OTC: variants seen among roughly 807,000 people sequenced by gnomAD.
The protein encoded by OTC is ornithine transcarbamylase, also known as ornithine transcarbamylase, mitochondrial.
A neutral mutation model predicts 30.3 loss-of-function variants in OTC; 3 were observed. The observed-to-expected ratio is 0.10, with a 90% CI of 0.05 to 0.26. The LOEUF (loss-of-function observed/expected upper bound fraction) is 0.26. Among genes scored for constraint, OTC ranks in the 10% least tolerant of loss-of-function variants. The pLI is 1.00. For synonymous variants in OTC, 111 were observed against 99.7 expected (o/e 1.11, Z -0.67); for missense variants, 194 against 260.3 (o/e 0.75, Z 1.75).
downstream of OTC, among the ~76,000 whole-genome samples, chrX:38,422,017 T>G (rs912914908): frequency 8.9e-6 from 1 of 112,291 alleles, no homozygotes; most frequent in Non-Finnish European, 1.9e-5. Flanking sequence ...GTGACTAACA[T>G]TTGTATTGTT....
the OTC span, among the ~76,000 whole-genome samples, chrX:38,339,818 T>G: frequency 1.8e-5 from 2 of 111,316 alleles, no homozygotes; most frequent in Non-Finnish European, 3.8e-5. Context: ...ATAAAGGAAG[T>G]TGATATTCTA....
rs776830576 is a variant in OTC, at chrX:38,381,411, G to A, written c.368G>A (p.Ser123Asn). The stretch of plus-strand genomic sequence containing the variant: ...GATATTCATTTGGGTGTGAATGAAA[G>A]TCTCACGGACACGGCCCGGTTTGTA... ...TQDIHLGVNESLTDTARVLSS... is the reference protein window; with the variant it reads ...TQDIHLGVNENLTDTARVLSS... The change falls in exon 4 of 10, where the codon AGT becomes AAT. Residue 123 changes from serine to asparagine, a missense_variant. Transcript: ENST00000039007. 9.2e-6 allele frequency: 11 copies of A among 1,192,847 alleles called. No individual in the cohort carries two copies. In the South Asian group the frequency reaches 1.6e-4, roughly 17 times the overall value.
chrX:38,335,463 C>T, the OTC span, among the ~76,000 whole-genome samples: 1 of 112,653 alleles, frequency 8.9e-6, no homozygotes, highest in Non-Finnish European at 1.9e-5. Context: ...AAGCTGCAGG[C>T]AGCCCTGCAG....
rs1432888466 is a variant in OTC at position 38,394,473 on chromosome X, A to G, written c.387-6802A>G. Among the ~76,000 whole-genome samples, 4 of 111,828 alleles carry G rather than the reference A, an allele frequency of 3.6e-5. No individual in the cohort carries two copies. In the East Asian group the frequency reaches 1.1e-3, roughly 31 times the overall value. ...TATAGATGATGGAAACTTGCCCTTC[A>G]ATTTAGCCTTTTAACTTGCTTCTCT... On this transcript the variant is annotated intron_variant, in intron 4 of 9. Coordinates refer to ENST00000039007, the MANE Select transcript of OTC (RefSeq NM_000531.6).
chrX:38,375,389 G>A (rs1365884220), intron 3 of OTC, among the ~76,000 whole-genome samples: 2 of 111,978 alleles, frequency 1.8e-5, no homozygotes, highest in Non-Finnish European at 3.8e-5. Context: ...CTCTGACTGA[G>A]AATAAACTGT....
chrX:38,402,839 G>A (rs761418107), intron 5 of OTC, among the ~76,000 whole-genome samples: 1 of 110,810 alleles, frequency 9.0e-6, no homozygotes, highest in East Asian at 2.8e-4. Context: ...ATTTGAGACA[G>A]AGTCTCACTC....
intron 3 of OTC, among the ~76,000 whole-genome samples, chrX:38,374,483 A>G (rs1189418660): frequency 9.0e-6 from 1 of 110,724 alleles, no homozygotes; most frequent in Admixed American, 9.7e-5. Context: ...TGCAAAGGCA[A>G]TTTCTTCTCA....
chrX:38,370,693 G>A (rs1414484642), intron 3 of OTC, among the ~76,000 whole-genome samples: 2 of 111,144 alleles, frequency 1.8e-5, no homozygotes, highest in African/African-American at 3.3e-5. Flanking sequence ...TCTGAGAGGC[G>A]GGAAGACAAC....
upstream of OTC, among the ~76,000 whole-genome samples, chrX:38,348,720 G>T (rs1454742538): frequency 1.8e-5 from 2 of 109,368 alleles, no homozygotes; most frequent in Non-Finnish European, 3.8e-5. Flanking sequence ...TGTATTTTTA[G>T]TAGAGATGGG....
chrX:38,366,463 G>C (rs2068296501), intron 1 of OTC, among the ~76,000 whole-genome samples: 1 of 111,766 alleles, frequency 8.9e-6, no homozygotes, highest in Non-Finnish European at 1.9e-5. Flanking sequence ...TTGAAGGGCA[G>C]TAGGGGGAAA....
intron 8 of OTC, among the ~76,000 whole-genome samples, chrX:38,409,929 G>GT (rs1160128413): frequency 1.8e-5 from 2 of 111,847 alleles, no homozygotes; most frequent in African/African-American, 3.2e-5. Flanking sequence ...GGTAGCCTCT[G>GT]TTTAATAATT....
At chrX:38,415,435 CG>C (rs1361126669) in intron 9 of OTC, among the ~76,000 whole-genome samples, 2 of 111,373 alleles carry the variant, frequency 1.8e-5, no homozygotes, top group African/African-American at 3.3e-5. Context: ...TCAGCACTGC[CG>C]TGATACATTT....
At chrX:38,345,683 G>A in the OTC span, among the ~76,000 whole-genome samples, 1 of 110,093 alleles carries the variant, frequency 9.1e-6, no homozygotes, top group Non-Finnish European at 1.9e-5. Context: ...TGGGATTACA[G>A]GTATGTGCCA....
chrX:38,369,985 G>A lies in OTC; in HGVS notation c.298+108G>A. The A allele has an allele frequency of 7.8e-6, 4 of 513,106 alleles. No homozygotes were observed. In the Admixed American group the frequency reaches 8.3e-5, roughly 11 times the overall value. The allele number at this position is 513,106 out of a possible 1,213,427, so 42.3% of individuals were successfully genotyped here. On this transcript the variant is annotated intron_variant, in intron 3 of 9. Transcript: ENST00000039007. ...TTTGTCTGCCTCTAGCAACCACAAAGAAAAAATCATTTTTACTGGGAGCAG... is the reference window on the plus strand; with the variant it reads ...TTTGTCTGCCTCTAGCAACCACAAAAAAAAAATCATTTTTACTGGGAGCAG...
At chrX:38,422,903 T>C (rs770539520), downstream of OTC, among the ~76,000 whole-genome samples, 6 of 111,995 alleles carry the variant, frequency 5.4e-5, no homozygotes, top group Admixed American at 5.7e-4. Context: ...GCATCTTTGG[T>C]GTACATAATA....
the OTC span, among the ~76,000 whole-genome samples, chrX:38,330,758 G>T: frequency 3.6e-5 from 4 of 111,826 alleles, no homozygotes; most frequent in Admixed American, 9.4e-5. Flanking sequence ...CAATTCTGAG[G>T]CTGTGTTGTG....
Position 38,367,319 on chromosome X carries a change from C to G in OTC, c.106C>G (p.Gln36Glu), listed in dbSNP as rs72554305. 8.3e-7 allele frequency: 1 copy of G among 1,204,426 alleles called. No individual in the cohort carries two copies. Among genetic ancestry groups the G allele is most frequent in the Admixed American group, 2.2e-5 (1 of 46,007 alleles). ...TGGACAACCACTACAAAATAAAGTGCAGCTGAAGGGCCGTGACCTTCTCAC... is the reference window on the plus strand; with the variant it reads ...TGGACAACCACTACAAAATAAAGTGGAGCTGAAGGGCCGTGACCTTCTCAC... Reference protein sequence around the residue: ...RCGQPLQNKVQLKGRDLLTLK... With the variant: ...RCGQPLQNKVELKGRDLLTLK... The change falls in exon 2 of 10, where the codon CAG becomes GAG. Residue 36 changes from glutamine (Q) to glutamate (E), a missense_variant. Coordinates refer to ENST00000039007, the MANE Select transcript of OTC (RefSeq NM_000531.6).
chrX:38,331,441 TG>T, the OTC span, among the ~76,000 whole-genome samples: 414 of 68,889 alleles, frequency 6.0e-3, 6 homozygotes, highest in East Asian at 0.053. Flanking sequence ...GTTTTTTTTT[TG>T]TTTTTTTTTT....
intron 9 of OTC, among the ~76,000 whole-genome samples, chrX:38,418,874 A>T (rs2068581908): frequency 8.9e-6 from 1 of 111,736 alleles, no homozygotes; most frequent in Non-Finnish European, 1.9e-5. Flanking sequence ...TTCTTTATAA[A>T]TTTCCCAGTC....
Sources: gnomAD v4.1 joint callset for allele counts (sites outside exome capture counted in the v4.1 genomes callset) on GRCh38, gnomAD v4.1.1 for gene constraint, MANE v1.5 for transcripts, NCBI Gene and HGNC (gene_info 2026-07-23, HGNC 2026-07-21) for gene names.